The following EPHA6 variants were observed in gnomAD, a reference collection of about 807,000 sequenced individuals.
EPHA6 encodes the protein ephrin type-A receptor 6.
A neutral mutation model predicts 112.0 loss-of-function variants in EPHA6; 50 were observed. The ratio of observed to expected loss-of-function variants is 0.45; its 90% CI spans 0.36 to 0.56. The LOEUF is 0.56. EPHA6 is among the 20% of genes least tolerant of loss of function. EPHA6 has a pLI of 0.00. For missense variants in EPHA6, 1,280 were observed against 1,417.4 expected (o/e 0.90, Z 1.56); for synonymous variants, 529 against 490.7 (o/e 1.08, Z -1.03).
chr3:97,349,558 G>T (rs2083699201), intron 5 of EPHA6, among the ~76,000 whole-genome samples: 2 of 152,034 alleles, frequency 1.3e-5, no homozygotes, highest in South Asian at 4.1e-4. Flanking sequence ...TTCCCTTTGT[G>T]GTTTCAGAGT....
chr3:97,318,707 G>A (rs1022552490), intron 5 of EPHA6, among the ~76,000 whole-genome samples: 2 of 151,798 alleles, frequency 1.3e-5, no homozygotes, highest in Non-Finnish European at 2.9e-5. Flanking sequence ...CTTTATTAAA[G>A]AATAAAGAAA....
chr3:96,896,483 C>G (rs2038276807), intron 2 of EPHA6, among the ~76,000 whole-genome samples: 1 of 152,146 alleles, frequency 6.6e-6, no homozygotes, highest in Non-Finnish European at 1.5e-5. Context: ...AAGCAGTAAG[C>G]CTGGTCCCTG....
At chr3:97,215,495 C>G (rs918501416) in intron 3 of EPHA6, among the ~76,000 whole-genome samples, 3 of 151,696 alleles carry the variant, frequency 2.0e-5, no homozygotes, top group African/African-American at 7.3e-5. Context: ...TCTGTAATTC[C>G]AGCTACTCAG....
chr3:97,692,656 C>A (rs1352941451), intron 14 of EPHA6, among the ~76,000 whole-genome samples: 1 of 152,180 alleles, frequency 6.6e-6, no homozygotes, highest in Non-Finnish European at 1.5e-5. Flanking sequence ...GACTCGTTTG[C>A]TTTTAATTTA....
At position 96,905,014 on chromosome 3, in the gene EPHA6, C is replaced by T. The variant is rs117235535; in HGVS notation, c.450+38125C>T. On this transcript the variant is annotated intron_variant, in intron 2 of 17. Transcript: ENST00000389672. Reference sequence around the variant, plus strand: ...GAAACCGTAAATCCAACAATGGTAGCCATATATTCTTTACTGGTATTAACT... The same window carrying T: ...GAAACCGTAAATCCAACAATGGTAGTCATATATTCTTTACTGGTATTAACT... 1.4e-4 allele frequency among the ~76,000 whole-genome samples: 21 copies of T among 152,122 alleles called. No homozygotes were observed. In the East Asian group the frequency reaches 3.9e-3, roughly 28 times the overall value.
chr3:97,287,319 G>A (rs901241103), intron 5 of EPHA6, among the ~76,000 whole-genome samples: 3 of 151,986 alleles, frequency 2.0e-5, no homozygotes, highest in African/African-American at 4.8e-5. Flanking sequence ...GCTTCTCTGA[G>A]TTCAGTTAGC....
At chr3:97,187,888 A>C (rs2108470684) in intron 3 of EPHA6, among the ~76,000 whole-genome samples, 1 of 152,142 alleles carries the variant, frequency 6.6e-6, no homozygotes, top group Admixed American at 6.5e-5. Context: ...ATTAGGAGTA[A>C]TTATATAATC....
chr3:97,292,560 C>G (rs72924487), intron 5 of EPHA6, among the ~76,000 whole-genome samples: 5,131 of 152,314 alleles, frequency 0.034, 267 homozygotes, highest in African/African-American at 0.11. Context: ...AGAAGAGACC[C>G]GTGATGGATA....
At chr3:97,416,283 C>G (rs1344909418) in intron 6 of EPHA6, among the ~76,000 whole-genome samples, 1 of 151,910 alleles carries the variant, frequency 6.6e-6, no homozygotes, top group Non-Finnish European at 1.5e-5. Flanking sequence ...ATGCTGTTTC[C>G]TAAAAATTAA....
chr3:97,492,073 A>G (rs1408285612), intron 10 of EPHA6, among the ~76,000 whole-genome samples: 1 of 151,980 alleles, frequency 6.6e-6, no homozygotes, highest in Non-Finnish European at 1.5e-5. Context: ...TAGCTGATAG[A>G]TTTTTTTTAA....
At chr3:97,617,784 G>C (rs565405940) in intron 13 of EPHA6, among the ~76,000 whole-genome samples, 1 of 152,156 alleles carries the variant, frequency 6.6e-6, no homozygotes, top group African/African-American at 2.4e-5. Flanking sequence ...CATAAAGCAA[G>C]TTATCAGAGA....
chr3:96,913,554 C>A (rs2039339845), intron 2 of EPHA6, among the ~76,000 whole-genome samples: 2 of 152,008 alleles, frequency 1.3e-5, no homozygotes, highest in African/African-American at 4.8e-5. Context: ...GTTTTCCTAG[C>A]ACTTTGACTC....
intron 11 of EPHA6, among the ~76,000 whole-genome samples, chr3:97,544,436 T>G (rs527565463): frequency 6.6e-6 from 1 of 152,362 alleles, no homozygotes; most frequent in Non-Finnish European, 1.5e-5. Context: ...ATCCCACGGA[T>G]GAAGCCCACT....
chr3:97,184,326 A>T (rs996531746), intron 3 of EPHA6, among the ~76,000 whole-genome samples: 2 of 152,098 alleles, frequency 1.3e-5, no homozygotes, highest in African/African-American at 4.8e-5. Flanking sequence ...CTTTCCCTAG[A>T]TGCTCCCTAG....
At chr3:97,553,191 A>G (rs571719985) in intron 11 of EPHA6, among the ~76,000 whole-genome samples, 1 of 152,026 alleles carries the variant, frequency 6.6e-6, no homozygotes, top group East Asian at 1.9e-4. Flanking sequence ...TATCCTGCTT[A>G]CCTTTCAGAT....
rs538182659 is a variant in EPHA6 at position 97,503,704 on chromosome 3, G to C, written c.2200+19645G>C. Among the ~76,000 whole-genome samples, 4 of 152,186 alleles carry C rather than the reference G, an allele frequency of 2.6e-5. No individual in the cohort carries two copies. In the South Asian group the frequency reaches 6.2e-4, roughly 24 times the overall value. ...ATTTTGTCGCCATTCCCCTATATTA[G>C]AGTTTTACAGTCTGATGGCATTAAT... On this transcript the variant is annotated intron_variant, in intron 10 of 17. Coordinates refer to ENST00000389672, the MANE Select transcript of EPHA6 (RefSeq NM_001080448.3).
intron 13 of EPHA6, among the ~76,000 whole-genome samples, chr3:97,629,611 A>G (rs1424968143): frequency 6.6e-6 from 1 of 152,058 alleles, no homozygotes; most frequent in African/African-American, 2.4e-5. Context: ...ATGTAAAATT[A>G]TATATAAAGA....
intron 3 of EPHA6, among the ~76,000 whole-genome samples, chr3:97,163,217 C>A (rs1055816244): frequency 6.6e-6 from 1 of 152,114 alleles, no homozygotes; most frequent in Non-Finnish European, 1.5e-5. Context: ...TATTCCAATT[C>A]CTCTAAGTTT....
At chr3:97,120,391 A>G (rs1437289779) in intron 3 of EPHA6, among the ~76,000 whole-genome samples, 1 of 151,790 alleles carries the variant, frequency 6.6e-6, no homozygotes, top group Non-Finnish European at 1.5e-5. Context: ...AAAGTTTATA[A>G]AACTTTGTGT....
Sources: allele counts gnomAD v4.1 joint callset (sites outside exome capture counted in the v4.1 genomes callset), GRCh38; gene constraint gnomAD v4.1.1; transcripts MANE v1.5; gene names NCBI Gene and HGNC (gene_info 2026-07-23, HGNC 2026-07-21).